XPR1: variants seen among roughly 807,000 people sequenced by gnomAD.
XPR1 encodes xenotropic and polytropic retrovirus receptor 1, also known as solute carrier family 53 member 1.
Under a neutral mutation model 87.5 loss-of-function variants are expected in XPR1, and 28 were observed. The ratio of observed to expected loss-of-function variants is 0.32; its 90% CI spans 0.24 to 0.44. The LOEUF (loss-of-function observed/expected upper bound fraction) is 0.44. XPR1 is among the 20% of genes least tolerant of loss of function. The probability of loss-of-function intolerance (pLI) is 1.00; values close to 1 mark genes in which losing one functional copy is unlikely to be tolerated. For missense variants in XPR1, 559 were observed against 862.3 expected (o/e 0.65, Z 4.41); for synonymous variants, 300 against 306.1 (o/e 0.98, Z 0.21).
chr1:180,653,568 G>A (rs1231692144), intron 1 of XPR1, among the ~76,000 whole-genome samples: 1 of 151,922 alleles, frequency 6.6e-6, no homozygotes, highest in Non-Finnish European at 1.5e-5. Context: ...GACCCCCAGT[G>A]GATGCCTAAA....
At chr1:180,864,473 G>A (rs1477410850) in intron 12 of XPR1, among the ~76,000 whole-genome samples, 1 of 152,008 alleles carries the variant, frequency 6.6e-6, no homozygotes, top group Non-Finnish European at 1.5e-5. Context: ...ATGTTTCTGG[G>A]ATGAATGAAT....
intron 7 of XPR1, among the ~76,000 whole-genome samples, chr1:180,814,942 G>A (rs1650349837): frequency 6.6e-6 from 1 of 152,004 alleles, no homozygotes; most frequent in Admixed American, 6.6e-5. Context: ...AAGGAGAGAA[G>A]TGATAAATTG....
chr1:180,811,536 T>A, intron 7 of XPR1, 48 bp downstream of exon 7: 9 of 1,418,650 alleles, frequency 6.3e-6, no homozygotes, highest in Non-Finnish European at 8.9e-6. Context: ...AATATGCCTG[T>A]GTCATATTCT....
chr1:180,668,123 C>CTTTTTTTT (rs758456790), intron 1 of XPR1, among the ~76,000 whole-genome samples: 1 of 94,700 alleles, frequency 1.1e-5, no homozygotes, highest in African/African-American at 4.8e-5. Flanking sequence ...TTCCCTCTAT[C>CTTTTTTTT]TTTTTTTTTT....
intron 3 of XPR1, among the ~76,000 whole-genome samples, chr1:180,796,598 A>G (rs1319377967): frequency 6.6e-6 from 1 of 152,208 alleles, no homozygotes; most frequent in East Asian, 1.9e-4. Flanking sequence ...GATTGAGTAT[A>G]CTGTATGCAA....
At chr1:180,740,520 G>A (rs1408812996) in intron 2 of XPR1, among the ~76,000 whole-genome samples, 6 of 151,998 alleles carry the variant, frequency 3.9e-5, no homozygotes, top group Non-Finnish European at 1.5e-5. Flanking sequence ...CCACTAGGTT[G>A]TGGTATGCTA....
intron 2 of XPR1, among the ~76,000 whole-genome samples, chr1:180,696,216 A>ATATATG (rs1553237714): frequency 7.8e-6 from 1 of 128,078 alleles, no homozygotes; most frequent in African/African-American, 3.0e-5. Flanking sequence ...GTGTATATAT[A>ATATATG]TATATATATA....
chr1:180,721,355 G>C (rs1048957361), intron 2 of XPR1, among the ~76,000 whole-genome samples: 1 of 152,030 alleles, frequency 6.6e-6, no homozygotes, highest in Non-Finnish European at 1.5e-5. Context: ...TTGACATTTA[G>C]CTAACAAGTC....
chr1:180,647,902 CAAAAAAAAAAA>C (rs1009441967), intron 1 of XPR1, among the ~76,000 whole-genome samples: 3 of 55,952 alleles, frequency 5.4e-5, no homozygotes, highest in Admixed American at 2.1e-4. Flanking sequence ...CTCTTATCTG[CAAAAAAAAAAA>C]AAAAAAAAAA....
At chr1:180,680,718 A>C (rs1656549749) in intron 1 of XPR1, among the ~76,000 whole-genome samples, 1 of 152,168 alleles carries the variant, frequency 6.6e-6, no homozygotes, top group East Asian at 1.9e-4. Flanking sequence ...GCATTTATCC[A>C]AAGGAAAGGA....
Position 180,656,509 on chromosome 1 carries a change from T to TTTATATATTATATATAATATTTATATA in XPR1, c.69+24247_69+24248insTATATATAATATTTATATATTATATAT, listed in dbSNP as rs4048715. ...TAATATTTATATATTATATATAATA[T>TTTATATATTATATATAATATTTATATA]TTATATATAATATTTATATATTATA... is the stretch of plus-strand genomic sequence containing the variant. On this transcript the variant is annotated intron_variant, in intron 1 of 14. Transcript: ENST00000367590. Among the ~76,000 whole-genome samples the TTTATATATTATATATAATATTTATATA allele has an allele frequency of 5.6e-3, 27 of 4,850 alleles. 9 individuals carry two copies. The highest frequency in any genetic ancestry group is 0.12 in the East Asian group (2 of 16). The allele number at this position is 4,850 out of a possible 152,430, so 3.2% of individuals were successfully genotyped here. A position where few individuals can be genotyped will look rare whatever the true frequency, so the allele number is the denominator to read the frequency against.
intron 1 of XPR1, among the ~76,000 whole-genome samples, chr1:180,661,584 AACTG>A (rs1655782148): frequency 6.6e-6 from 1 of 151,242 alleles, no homozygotes; most frequent in Non-Finnish European, 1.5e-5. Flanking sequence ...CATTATTTTA[AACTG>A]ACTGGGTGTG....
chr1:180,863,638 GTGTTATTAA>G, intron 11 of XPR1, 61 bp from the exon 12 acceptor site: 1 of 1,370,950 alleles, frequency 7.3e-7, no homozygotes, highest in Admixed American at 2.5e-5. Flanking sequence ...GTTTTAATTA[GTGTTATTAA>G]TGAAAAATTT....
chr1:180,661,716 T>A (rs979292346), intron 1 of XPR1, among the ~76,000 whole-genome samples: 1 of 151,814 alleles, frequency 6.6e-6, no homozygotes, highest in Admixed American at 6.6e-5. Flanking sequence ...CTAAAAAAAA[T>A]ATGCAAAAAT....
intron 2 of XPR1, among the ~76,000 whole-genome samples, chr1:180,689,470 T>G (rs984619888): frequency 1.3e-5 from 2 of 152,180 alleles, no homozygotes; most frequent in African/African-American, 4.8e-5. Flanking sequence ...ATTTCTCTCC[T>G]AATTTTTTTA....
chr1:180,825,904 G>A (rs1650814351), intron 9 of XPR1, among the ~76,000 whole-genome samples: 1 of 152,136 alleles, frequency 6.6e-6, no homozygotes, highest in African/African-American at 2.4e-5. Context: ...TACAAAATTA[G>A]CTGGGGGTGG....
At chr1:180,680,398 G>T (rs1331348155) in intron 1 of XPR1, among the ~76,000 whole-genome samples, 1 of 117,184 alleles carries the variant, frequency 8.5e-6, no homozygotes, top group East Asian at 2.8e-4. Flanking sequence ...GTGGAGTCTC[G>T]CTCTGTCGCC....
At chr1:180,787,245 TAAA>T (rs1649181557) in intron 2 of XPR1, among the ~76,000 whole-genome samples, 1 of 152,004 alleles carries the variant, frequency 6.6e-6, no homozygotes, top group South Asian at 2.1e-4. Context: ...CTCATTCACT[TAAA>T]GAAGGTTTGT....
At chr1:180,822,464 G>A (rs1650671463) in intron 7 of XPR1, among the ~76,000 whole-genome samples, 1 of 152,076 alleles carries the variant, frequency 6.6e-6, no homozygotes, top group Admixed American at 6.5e-5. Flanking sequence ...TCTCCTTACT[G>A]TAGTTTTCCT....
Sources: gnomAD v4.1 joint callset for allele counts (sites outside exome capture counted in the v4.1 genomes callset) on GRCh38, gnomAD v4.1.1 for gene constraint, MANE v1.5 for transcripts, NCBI Gene and HGNC (gene_info 2026-07-23, HGNC 2026-07-21) for gene names.